ANAPC1: variants seen among roughly 807,000 people sequenced by gnomAD.
ANAPC1 encodes the protein anaphase promoting complex subunit 1, also known as anaphase-promoting complex subunit 1.
In ANAPC1, 36 loss-of-function variants were observed where a neutral mutation model predicts 208.0. That is an observed-to-expected ratio of 0.17 (90% CI 0.13 to 0.23). ANAPC1 has a LOEUF of 0.23. Ranked by LOEUF, ANAPC1 falls within the 10% of genes least tolerant of loss-of-function variation. The pLI, the probability that ANAPC1 is intolerant of heterozygous loss-of-function variation, is 1.00. For synonymous variants in ANAPC1, 378 were observed against 695.2 expected (o/e 0.54, Z 7.18); for missense variants, 942 against 2,011.6 (o/e 0.47, Z 10.17).
Position 111,776,122 on chromosome 2 carries a change from TCTA to T in ANAPC1, c.5584+734_5584+736del, listed in dbSNP as rs527281666. ...TTCACTAATCAAAGCAAGAATTGTT[TCTA>T]CTACTATTACTAAGGTTAGTATTAA... is the stretch of plus-strand genomic sequence containing the variant. On this transcript the variant is annotated intron_variant, in intron 46 of 47. Coordinates refer to ENST00000341068, the MANE Select transcript of ANAPC1 (RefSeq NM_022662.4). 5.3e-3 allele frequency among the ~76,000 whole-genome samples: 795 copies of T among 150,028 alleles called. 2 individuals are homozygous for T. The highest frequency in any genetic ancestry group is 0.018 in the African/African-American group (752 of 40,866).
chr2:111,845,094 C>G (rs1036513922), intron 16 of ANAPC1, among the ~76,000 whole-genome samples: 2 of 152,202 alleles, frequency 1.3e-5, no homozygotes, highest in African/African-American at 4.8e-5. Flanking sequence ...GCAACCCCCT[C>G]ACCTCAGCCT....
rs373929026 is a variant in ANAPC1, at chr2:111,831,275, C to T, written c.2625+11G>A. The T allele has an allele frequency of 4.8e-5, 76 of 1,589,820 alleles. No individual in the cohort carries two copies. The African/African-American group carries it at 7.8e-4, about 16-fold the overall frequency. On this transcript the variant is annotated intron_variant, in intron 21 of 47. Coordinates refer to ENST00000341068, the MANE Select transcript of ANAPC1 (RefSeq NM_022662.4). ...AAAAAGGAGATAGGTAGTAACACTC[C>T]ACATACATACCAAGACTACAAGTCT... is the stretch of plus-strand genomic sequence containing the variant.
intron 3 of ANAPC1, among the ~76,000 whole-genome samples, chr2:111,875,572 C>G (rs1682980429): frequency 6.6e-6 from 1 of 152,196 alleles, no homozygotes; most frequent in Non-Finnish European, 1.5e-5. Flanking sequence ...GTGCCCCTGA[C>G]AACAGTCTCC....
downstream of ANAPC1, among the ~76,000 whole-genome samples, chr2:111,767,249 G>A (rs1279094521): frequency 3.3e-5 from 5 of 151,230 alleles, no homozygotes; most frequent in South Asian, 1.0e-3. Flanking sequence ...TGACTACTTC[G>A]GGCCAACAGG....
In ANAPC1 at chr2:111,872,291, T is replaced by C. The variant is rs374490705; in HGVS notation, c.611+339A>G. On this transcript the variant is annotated intron_variant, in intron 6 of 47. Transcript: ENST00000341068. ...GTGATGTGTCACATTTATTGACTTG[T>C]GTATGTTAAACCATCCCTGCATCCC... 2.9e-4 allele frequency among the ~76,000 whole-genome samples: 44 copies of C among 152,348 alleles called. 1 individual carries two copies. The highest frequency in any genetic ancestry group is 8.7e-4 in the African/African-American group (36 of 41,582).
chr2:111,780,851 T>C (rs1677234106), intron 43 of ANAPC1: 1 of 160,096 alleles, frequency 6.2e-6, no homozygotes, highest in Admixed American at 6.0e-5. Context: ...CTAGGGGAAG[T>C]AGAATGAGGG....
intron 10 of ANAPC1, among the ~76,000 whole-genome samples, chr2:111,861,114 T>C (rs4082953): frequency 6.6e-6 from 1 of 152,188 alleles, no homozygotes; most frequent in Non-Finnish European, 1.5e-5. Flanking sequence ...CTCACTCTGT[T>C]GCCCAAGCTG....
At chr2:111,772,059 AAAAT>A (rs1261170883) in intron 47 of ANAPC1, among the ~76,000 whole-genome samples, 1 of 148,568 alleles carries the variant, frequency 6.7e-6, no homozygotes, top group Non-Finnish European at 1.5e-5. Context: ...CTTTAATAAA[AAAAT>A]CAATTAGTAA....
At chr2:111,883,277 T>C (rs74929042) in intron 1 of ANAPC1, among the ~76,000 whole-genome samples, 4,280 of 151,892 alleles carry the variant, frequency 0.028, 197 homozygotes, top group African/African-American at 0.097. Flanking sequence ...CAACGAACTT[T>C]TGACTTTATG....
At chr2:111,817,593 T>C (rs1679305449) in intron 27 of ANAPC1, among the ~76,000 whole-genome samples, 1 of 152,054 alleles carries the variant, frequency 6.6e-6, no homozygotes, top group Non-Finnish European at 1.5e-5. Flanking sequence ...GAATGTGTTC[T>C]TTCACTTAGT....
At chr2:111,792,267 T>A in intron 38 of ANAPC1, 95 bp downstream of exon 38, 1 of 742,572 alleles carries the variant, frequency 1.3e-6, no homozygotes, top group South Asian at 1.9e-5. Flanking sequence ...TAGTCAGAAT[T>A]TAAATTTTTC....
At chr2:111,782,799 T>G (rs1677355946) in intron 42 of ANAPC1, among the ~76,000 whole-genome samples, 1 of 152,230 alleles carries the variant, frequency 6.6e-6, no homozygotes, top group Non-Finnish European at 1.5e-5. Flanking sequence ...TTCTTTGTAT[T>G]CCCTATATCC....
chr2:111,779,673 C>CA (rs964280923), intron 44 of ANAPC1: 2 of 153,916 alleles, frequency 1.3e-5, no homozygotes, highest in African/African-American at 4.8e-5. Flanking sequence ...TCCATCGCTA[C>CA]AAAAAATTTT....
chr2:111,851,961 T>C (rs1401772460), intron 13 of ANAPC1, among the ~76,000 whole-genome samples: 1 of 152,164 alleles, frequency 6.6e-6, no homozygotes, highest in African/African-American at 2.4e-5. Context: ...AAATGAGATA[T>C]TAACAACGTA....
intron 6 of ANAPC1, among the ~76,000 whole-genome samples, chr2:111,869,471 C>G (rs1402193929): frequency 1.3e-5 from 2 of 152,218 alleles, no homozygotes; most frequent in African/African-American, 4.8e-5. Context: ...TCTCGAACTC[C>G]TGACCTCAGG....
chr2:111,865,031 T>C, intron 7 of ANAPC1, 80 bp from the exon 8 acceptor site: 1 of 1,464,926 alleles, frequency 6.8e-7, no homozygotes, highest in Non-Finnish European at 9.0e-7. Flanking sequence ...CTCTTAAAAT[T>C]GTTAAAGATA....
chr2:111,780,899 GAAA>G lies in ANAPC1; in HGVS notation c.5203-517_5203-515del, dbSNP rs1558660213. On this transcript the variant is annotated intron_variant, in intron 43 of 47. Transcript: ENST00000341068. ...GGTATAGATCTCAGGTCTGCAAGAT[GAAA>G]CAGTTCTAGAGATGGATGGTGGTGA... is the stretch of plus-strand genomic sequence containing the variant. 8.9e-3 allele frequency: 1,559 copies of G among 174,244 alleles called. 66 individuals are homozygous for G. Among genetic ancestry groups the G allele is most frequent in the African/African-American group, 0.036 (1,439 of 39,792 alleles). 10.8% of individuals were successfully genotyped at this position (174,244 alleles called of 1,614,324 possible).
chr2:111,858,315 A>C lies in ANAPC1; in HGVS notation c.1349T>G (p.Leu450Arg). 1.2e-6 allele frequency: 2 copies of C among 1,613,312 alleles called. No individual in the cohort carries two copies. Among genetic ancestry groups the C allele is most frequent in the Non-Finnish European group, 1.7e-6 (2 of 1,179,412 alleles). The change falls in exon 11 of 48, where the codon CTC (leucine) becomes CGC (arginine). Residue 450 changes from leucine (L) to arginine (R), a missense_variant. By Grantham distance (102) the Leu-to-Arg change is moderately radical. Transcript: ENST00000341068. ...AAAGACATACACCTACCGTAACTGG[A>C]GCTGGGACTCTACTAAAAAGCACAG... ...KFLCFLVESQ[L>R]QLRCVKFQES...
At chr2:111,851,735 G>A (rs1243583355) in intron 13 of ANAPC1, among the ~76,000 whole-genome samples, 4 of 151,666 alleles carry the variant, frequency 2.6e-5, no homozygotes, top group East Asian at 3.9e-4. Flanking sequence ...GTGTGAACCC[G>A]GCAGGCAGAA....
Sources: allele counts gnomAD v4.1 joint callset (sites outside exome capture counted in the v4.1 genomes callset), GRCh38; gene constraint gnomAD v4.1.1; transcripts MANE v1.5; gene names NCBI Gene and HGNC (gene_info 2026-07-23, HGNC 2026-07-21).